Variants in TFEC observed in about 807,000 individuals in gnomAD.
TFEC encodes class E basic helix-loop-helix protein 34.
Under a neutral mutation model 41.6 loss-of-function variants are expected in TFEC, and 31 were observed. The ratio of observed to expected loss-of-function variants is 0.74; its 90% CI spans 0.56 to 1.01. The LOEUF (loss-of-function observed/expected upper bound fraction) is 1.01. Among genes scored for constraint, TFEC ranks in the 50% least tolerant of loss-of-function variants. The pLI, the probability that TFEC is intolerant of heterozygous loss-of-function variation, is 0.00. For missense variants in TFEC, 402 were observed against 404.1 expected (o/e 0.99, Z 0.04); for synonymous variants, 143 against 140.6 (o/e 1.02, Z -0.12).
intron 3 of TFEC, among the ~76,000 whole-genome samples, chr7:116,082,094 A>T (rs1352088221): frequency 6.6e-6 from 1 of 152,050 alleles, no homozygotes; most frequent in Non-Finnish European, 1.5e-5. Context: ...CTTAGTGATG[A>T]TAACTTTATT....
intron 3 of TFEC, among the ~76,000 whole-genome samples, chr7:116,044,541 G>A (rs908900565): frequency 2.0e-5 from 3 of 152,092 alleles, no homozygotes; most frequent in African/African-American, 7.2e-5. Context: ...ATTTTCTTTT[G>A]ACTACTATAT....
At chr7:116,048,158 A>G (rs1369501461) in intron 3 of TFEC, among the ~76,000 whole-genome samples, 7 of 152,248 alleles carry the variant, frequency 4.6e-5, no homozygotes, top group Non-Finnish European at 7.3e-5. Context: ...AAGGCTTCAG[A>G]CAATTGGTAA....
At chr7:116,085,318 AC>A (rs1797178576) in intron 3 of TFEC, among the ~76,000 whole-genome samples, 1 of 151,910 alleles carries the variant, frequency 6.6e-6, no homozygotes, top group South Asian at 2.1e-4. Flanking sequence ...TGATTTTTGT[AC>A]TACTGAGAAT....
chr7:116,072,469 C>G (rs1199088367), intron 3 of TFEC, among the ~76,000 whole-genome samples: 1 of 151,566 alleles, frequency 6.6e-6, no homozygotes, highest in Non-Finnish European at 1.5e-5. Flanking sequence ...AGCATGTTAT[C>G]ACAGACATGG....
chr7:116,014,793 A>G (rs1795129438), intron 1 of TFEC, among the ~76,000 whole-genome samples: 1 of 152,134 alleles, frequency 6.6e-6, no homozygotes, highest in Non-Finnish European at 1.5e-5. Context: ...TGGTGACAGG[A>G]GGACCAGAAT....
chr7:116,152,638 C>T (rs1198052477), intron 1 of TFEC, among the ~76,000 whole-genome samples: 1 of 152,168 alleles, frequency 6.6e-6, no homozygotes, highest in African/African-American at 2.4e-5. Flanking sequence ...ACAGGACATA[C>T]ATCAAGAAAT....
Position 116,139,943 on chromosome 7 carries a change from T to C in TFEC, c.-69+19847A>G, listed in dbSNP as rs577994230. ...TGGGCATAACCCCCATGAGGCTGGA[T>C]TGCAGATGTCCAAGAGACATAGATC... On this transcript the variant is annotated intron_variant, in intron 1 of 8. Coordinates refer to the TFEC transcript ENST00000484212. 2.6e-5 allele frequency among the ~76,000 whole-genome samples: 4 copies of C among 152,250 alleles called. No individual in the cohort carries two copies. In the East Asian group the frequency reaches 5.8e-4, roughly 22 times the overall value.
In TFEC at chr7:116,070,455, A is replaced by G. The variant is rs575168851; in HGVS notation, c.198+40253T>C. Among the ~76,000 whole-genome samples, 6 of 151,506 alleles carry G rather than the reference A, an allele frequency of 4.0e-5. No individual in the cohort carries two copies. The East Asian group carries it at 1.2e-3, about 29-fold the overall frequency. ...CTGAACCAATAAATTACCTCAAACGACCTAATACAAAATTGTAGTGTTAAA... is the reference window on the plus strand; with the variant it reads ...CTGAACCAATAAATTACCTCAAACGGCCTAATACAAAATTGTAGTGTTAAA... On this transcript the variant is annotated intron_variant, in intron 3 of 8. Coordinates refer to the TFEC transcript ENST00000484212.
chr7:115,952,828 T>A (rs1225377073), intron 5 of TFEC, among the ~76,000 whole-genome samples: 1 of 152,122 alleles, frequency 6.6e-6, no homozygotes, highest in Non-Finnish European at 1.5e-5. Flanking sequence ...CTCTGATCAA[T>A]ATTTAGAGGA....
chr7:116,123,488 G>A (rs1205114445), intron 1 of TFEC, among the ~76,000 whole-genome samples: 1 of 151,778 alleles, frequency 6.6e-6, no homozygotes, highest in East Asian at 1.9e-4. Flanking sequence ...TGAAATAGTG[G>A]GTTTAAACAT....
intron 6 of TFEC, among the ~76,000 whole-genome samples, chr7:115,943,844 A>G: frequency 6.6e-6 from 1 of 151,458 alleles, no homozygotes; most frequent in East Asian, 2.0e-4. Flanking sequence ...TTACAGTCAG[A>G]GCAGATAATA....
intron 1 of TFEC, among the ~76,000 whole-genome samples, chr7:116,146,252 C>CA (rs1484632223): frequency 6.6e-6 from 1 of 152,166 alleles, no homozygotes. Context: ...CCTGACAAAA[C>CA]AGAGTTCTAG....
intron 6 of TFEC, among the ~76,000 whole-genome samples, chr7:115,948,537 G>A (rs1446908877): frequency 6.6e-6 from 1 of 152,086 alleles, no homozygotes; most frequent in East Asian, 1.9e-4. Context: ...TGCAAGTCTG[G>A]TTCAATATAT....
chr7:116,098,857 G>A (rs1797532821), intron 3 of TFEC, among the ~76,000 whole-genome samples: 1 of 135,342 alleles, frequency 7.4e-6, no homozygotes, highest in South Asian at 2.4e-4. Flanking sequence ...GAAAGAAAGA[G>A]AGAGGAAGAA....
rs190352457 is a variant in TFEC, at chr7:115,996,338, G to A, written c.-72-11825C>T. Reference sequence around the variant, plus strand: ...TTCTAGATACATCCTGGGCCAGAAGGGAACCTACTTCATAGCAGGGAAGGA... The same window carrying A: ...TTCTAGATACATCCTGGGCCAGAAGAGAACCTACTTCATAGCAGGGAAGGA... On this transcript the variant is annotated intron_variant, in intron 1 of 7. Transcript: ENST00000265440. Among the ~76,000 whole-genome samples the A allele has an allele frequency of 3.9e-5, 6 of 152,184 alleles. No individual in the cohort carries two copies. In the East Asian group the frequency reaches 1.2e-3, roughly 30 times the overall value.
chr7:115,959,130 G>A (rs552310793), intron 3 of TFEC, among the ~76,000 whole-genome samples: 4 of 151,822 alleles, frequency 2.6e-5, no homozygotes, highest in Non-Finnish European at 4.4e-5. Flanking sequence ...ATTTTTAAAA[G>A]GTTGCTTTCT....
chr7:116,063,844 A>G (rs2130998881), intron 3 of TFEC, among the ~76,000 whole-genome samples: 1 of 152,260 alleles, frequency 6.6e-6, no homozygotes, highest in Non-Finnish European at 1.5e-5. Context: ...CTCTCCATTC[A>G]TTGATGGACA....
At chr7:115,947,510 G>A (rs1323931901) in intron 6 of TFEC, among the ~76,000 whole-genome samples, 1 of 151,610 alleles carries the variant, frequency 6.6e-6, no homozygotes, top group African/African-American at 2.4e-5. Context: ...CTTCCACAAT[G>A]GCTGAACTAG....
chr7:115,998,622 G>T (rs1226480150), intron 1 of TFEC, among the ~76,000 whole-genome samples: 2 of 151,120 alleles, frequency 1.3e-5, no homozygotes, highest in Non-Finnish European at 1.5e-5. Context: ...AGAATGAAAA[G>T]AAAGGGATTG....
Sources: gnomAD v4.1 joint callset for allele counts (sites outside exome capture counted in the v4.1 genomes callset) on GRCh38, gnomAD v4.1.1 for gene constraint, MANE v1.5 for transcripts, NCBI Gene and HGNC (gene_info 2026-07-23, HGNC 2026-07-21) for gene names.